RHOBTB2: variants seen among roughly 807,000 people sequenced by gnomAD.
RHOBTB2 encodes rho-related BTB domain-containing protein 2.
A neutral mutation model predicts 66.5 loss-of-function variants in RHOBTB2; 39 were observed. The observed-to-expected ratio is 0.59, with a 90% CI of 0.45 to 0.77. The LOEUF (loss-of-function observed/expected upper bound fraction) is 0.77, where lower values mean the gene tolerates loss of function less well. Ranked by LOEUF, RHOBTB2 falls within the 30% of genes least tolerant of loss-of-function variation. The pLI, the probability that RHOBTB2 is intolerant of heterozygous loss-of-function variation, is 0.00. For synonymous variants in RHOBTB2, 390 were observed against 395.0 expected, an observed-to-expected ratio of 0.99 and a Z score of 0.15; for missense variants, 755 against 999.1, an observed-to-expected ratio of 0.76 and a Z score of 3.29.
At position 23,007,317 on chromosome 8, in the gene RHOBTB2, G is replaced by A. The variant is rs1287288553; in HGVS notation, c.1072G>A (p.Gly358Ser). The stretch of plus-strand genomic sequence containing the variant: ...GAGCGTGGATGAGGCTGGGGGCTCC[G>A]GTCCTGCTGGCCTCCGTGCTTCCAC... ...CESVDEAGGS[G>S]PAGLRASTSD... is the part of the protein sequence containing the mutation. The change falls in exon 5 of 10, where the codon GGT (glycine) becomes AGT (serine). Residue 358 changes from glycine to serine, a missense_variant. By Grantham distance (56) the Gly-to-Ser change is moderately conservative. This residue lies in a region of RHOBTB2 where 247 missense variants were observed against 238.9 expected (regional missense o/e 1.03). Transcript: ENST00000251822. The A allele has an allele frequency of 9.3e-6, 15 of 1,613,554 alleles. No individual in the cohort carries two copies. Among genetic ancestry groups the A allele is most frequent in the Middle Eastern group, 3.3e-4 (2 of 6,084 alleles).
chr8:22,969,778 G>T, the RHOBTB2 span, among the ~76,000 whole-genome samples: 2 of 152,098 alleles, frequency 1.3e-5, no homozygotes, highest in Non-Finnish European at 2.9e-5. Flanking sequence ...TTTCAGACAG[G>T]GTCTCACTCG....
At chr8:22,988,190 C>CCA (rs1810332722) in intron 1 of RHOBTB2, among the ~76,000 whole-genome samples, 1 of 128,604 alleles carries the variant, frequency 7.8e-6, no homozygotes, top group African/African-American at 2.9e-5. Flanking sequence ...GATGGAGTCT[C>CCA]ACTCTGTCAC....
Position 23,004,874 on chromosome 8 carries a change from G to A in RHOBTB2, c.192+248G>A, listed in dbSNP as rs1810901025. 1.8e-6 allele frequency: 1 copy of A among 566,776 alleles called. No individual in the cohort carries two copies. Among genetic ancestry groups the A allele is most frequent in the Non-Finnish European group, 3.2e-6 (1 of 315,782 alleles). 35.1% of individuals were successfully genotyped at this position (566,776 alleles called of 1,614,324 possible). A position where few individuals can be genotyped will look rare whatever the true frequency, so the allele number is the denominator to read the frequency against. ...GGTGCCTGGGACTCCATCTTTGTCTGGGGTACCGCATTGTATGTAGTCACA... is the reference window on the plus strand; with the variant it reads ...GGTGCCTGGGACTCCATCTTTGTCTAGGGTACCGCATTGTATGTAGTCACA... On this transcript the variant is annotated intron_variant, in intron 2 of 9. Coordinates refer to ENST00000251822, the MANE Select transcript of RHOBTB2 (RefSeq NM_015178.3). The surrounding 1 kb of genome is among the most constrained non-coding windows in gnomAD (Gnocchi z 6.4).
At chr8:22,979,742 C>CTTTTTTTTTTTTTTTTTTTTTTTTTTT in the RHOBTB2 span, among the ~76,000 whole-genome samples, 1 of 84,094 alleles carries the variant, frequency 1.2e-5, no homozygotes. Context: ...TCTTTTCTTT[C>CTTTTTTTTTTTTTTTTTTTTTTTTTTT]TTTTTTTTTT....
rs906424784 is a variant in RHOBTB2, at chr8:22,994,478, G to A, written c.-23-83G>A. The A allele has an allele frequency of 5.0e-6, 4 of 803,522 alleles. No homozygotes were observed. The Admixed American group carries it at 6.8e-5, about 14-fold the overall frequency. The allele number at this position is 803,522 out of a possible 1,614,324, so 49.8% of individuals were successfully genotyped here. On this transcript the variant is annotated intron_variant, in intron 2 of 11. Transcript: ENST00000519685. Reference sequence around the variant, plus strand: ...CCCTCTATCTGGGCTGAGCGACCTTGGAGTAATTCGCGGTGTGCTCATTCC... The same window carrying A: ...CCCTCTATCTGGGCTGAGCGACCTTAGAGTAATTCGCGGTGTGCTCATTCC...
At position 23,010,675 on chromosome 8, in the gene RHOBTB2, G is replaced by C; in HGVS notation, c.1758G>C (p.Leu586=). 2 of 1,614,130 alleles carry C rather than the reference G, an allele frequency of 1.2e-6. No homozygotes were observed. The highest frequency in any genetic ancestry group is 4.5e-5 in the East Asian group (2 of 44,878). Residue 586 remains leucine, a synonymous_variant, in exon 7 of 10, where the codon CTG becomes CTC. Coordinates refer to ENST00000251822, the MANE Select transcript of RHOBTB2 (RefSeq NM_015178.3). ...CCAACCGCCTCTGCCTGCCACACCT[G>C]GTTGCCCTCACAGGTAACTAAGCAG... ...ILANRLCLPH[L]VALTEQYTVT...
chr8:22,960,286 C>T, the RHOBTB2 span, among the ~76,000 whole-genome samples: 2 of 149,910 alleles, frequency 1.3e-5, no homozygotes, highest in Admixed American at 6.7e-5. Context: ...GAAGAGGAAC[C>T]CCTTATAGAT....
Position 23,007,416 on chromosome 8 carries a change from C to T in RHOBTB2, c.1171C>T (p.Arg391Ter), listed in dbSNP as rs2128804874. 4 of 1,614,124 alleles carry T rather than the reference C, an allele frequency of 2.5e-6. No homozygotes were observed. Among genetic ancestry groups the T allele is most frequent in the Non-Finnish European group, 3.4e-6 (4 of 1,180,028 alleles). The change falls in exon 5 of 10, where the codon CGA becomes TGA. Residue 391 changes from arginine to a stop codon, truncating the protein, a stop_gained. Coordinates refer to ENST00000251822, the MANE Select transcript of RHOBTB2 (RefSeq NM_015178.3). LOFTEE classifies it high-confidence loss of function. ...GGGTCGTGTGCTGTCTTCCTGGAGC[C>T]GAGCTTTTGTGAGCATCCAGGAAGA... ...GRGRVLSSWS[R>*]AFVSIQEEMA...
At chr8:22,996,499 GTGTGTGTGTGTGTGTGTGTGTGT>G (rs1563286200), upstream of RHOBTB2, among the ~76,000 whole-genome samples, 2 of 692 alleles carry the variant, frequency 2.9e-3, no homozygotes, top group African/African-American at 4.5e-3. Context: ...GAGGGCTGGT[GTGTGTGTGTGTGTGTGTGTGTGT>G]GTGTGTGTGT....
At chr8:22,978,473 C>T in the RHOBTB2 span, among the ~76,000 whole-genome samples, 2 of 139,802 alleles carry the variant, frequency 1.4e-5, no homozygotes, top group African/African-American at 2.7e-5. Context: ...GGCGACAGAG[C>T]GAGATCTGTC....
At chr8:22,994,597 GA>G, upstream of RHOBTB2, 1 of 1,551,578 alleles carries the variant, frequency 6.4e-7, no homozygotes. Flanking sequence ...CAAGCCTGGA[GA>G]AAAGGCCCCG....
the RHOBTB2 span, among the ~76,000 whole-genome samples, chr8:22,976,908 G>A: frequency 6.6e-6 from 1 of 151,880 alleles, no homozygotes; most frequent in Non-Finnish European, 1.5e-5. Flanking sequence ...TTACAGGCGT[G>A]AGCCACTGTG....
intron 6 of RHOBTB2, among the ~76,000 whole-genome samples, chr8:23,008,902 G>T (rs1017464704): frequency 2.6e-5 from 4 of 152,040 alleles, no homozygotes; most frequent in African/African-American, 9.7e-5. Context: ...TGTGGGCTCT[G>T]GATTGGTTGG....
chr8:22,968,789 T>TA, the RHOBTB2 span, among the ~76,000 whole-genome samples: 120,475 of 150,974 alleles, frequency 0.8, 48,449 homozygotes, highest in African/African-American at 0.89. Flanking sequence ...TGACTATTAA[T>TA]AAAAAAAATC....
Position 23,004,156 on chromosome 8 carries a change from C to T in RHOBTB2, c.-10-269C>T. ...CTGGTGATCTCGCGTAGGTCTCCTT[C>T]ATCCAGACGCACAGCTGGAGGATCG... is the stretch of plus-strand genomic sequence containing the variant. On this transcript the variant is annotated intron_variant, in intron 1 of 9. Transcript: ENST00000251822. The surrounding 1 kb of genome is among the most constrained non-coding windows in gnomAD (Gnocchi z 6.4). The T allele has an allele frequency of 4.0e-6, 2 of 494,320 alleles. No individual in the cohort carries two copies. Among genetic ancestry groups the T allele is most frequent in the East Asian group, 7.7e-5 (2 of 26,064 alleles). The allele number at this position is 494,320 out of a possible 1,614,324, so 30.6% of individuals were successfully genotyped here.
At position 23,006,424 on chromosome 8, in the gene RHOBTB2, A is replaced by G. The variant is rs1810952335; in HGVS notation, c.482+279A>G. On this transcript the variant is annotated intron_variant, in intron 4 of 9. Coordinates refer to ENST00000251822, the MANE Select transcript of RHOBTB2 (RefSeq NM_015178.3). This position sits in a 1 kb window ranked among gnomAD's most constrained non-coding sequence, Gnocchi z 6.1. Reference sequence around the variant, plus strand: ...CTATAATTTTGCTGAGGGATAAACTAAATATGTGAGCATGTTAAATACCCA... The same window carrying G: ...CTATAATTTTGCTGAGGGATAAACTGAATATGTGAGCATGTTAAATACCCA... The G allele has an allele frequency of 1.8e-6, 1 of 558,292 alleles. No individual in the cohort carries two copies. The highest frequency in any genetic ancestry group is 1.9e-5 in the African/African-American group (1 of 53,448). 34.6% of individuals were successfully genotyped at this position (558,292 alleles called of 1,614,324 possible).
chr8:22,996,713 G>A (rs1810577999), upstream of RHOBTB2, among the ~76,000 whole-genome samples: 1 of 152,088 alleles, frequency 6.6e-6, no homozygotes, highest in African/African-American at 2.4e-5. Context: ...AGGGCGCAGT[G>A]AAGGGAGTGG....
chr8:22,974,419 T>TGCC, the RHOBTB2 span, among the ~76,000 whole-genome samples: 1 of 152,214 alleles, frequency 6.6e-6, no homozygotes, highest in Non-Finnish European at 1.5e-5. Context: ...CAGGGTGGCC[T>TGCC]GCCGGCTCTT....
chr8:22,968,346 T>A, the RHOBTB2 span, among the ~76,000 whole-genome samples: 1 of 152,052 alleles, frequency 6.6e-6, no homozygotes, highest in Non-Finnish European at 1.5e-5. Flanking sequence ...TTTAATAAAG[T>A]TTATTAAAGA....
Sources: allele counts gnomAD v4.1 joint callset (sites outside exome capture counted in the v4.1 genomes callset), GRCh38; gene constraint gnomAD v4.1.1; regional missense constraint gnomAD v4.1.1; non-coding constraint Gnocchi (gnomAD v3.1); transcripts MANE v1.5; gene names NCBI Gene and HGNC (gene_info 2026-07-23, HGNC 2026-07-21).